Variants in SLX4IP observed in about 807,000 individuals in gnomAD.
SLX4IP encodes SLX4 interacting protein.
SLX4IP carries 34 observed loss-of-function variants against 32.9 expected under a neutral mutation model. The observed-to-expected ratio is 1.03, with a 90% confidence interval of 0.79 to 1.38. SLX4IP has a LOEUF of 1.38. Among genes scored for constraint, SLX4IP ranks in the 40% most tolerant of loss-of-function variants. The probability of loss-of-function intolerance (pLI) is 0.00; values close to 1 mark genes in which losing one functional copy is unlikely to be tolerated. For synonymous variants in SLX4IP, 172 were observed against 171.7 expected (o/e 1.00, Z -0.01); for missense variants, 444 against 479.0 (o/e 0.93, Z 0.68).
At chr20:10,464,125 G>A (rs894584373) in intron 2 of SLX4IP, among the ~76,000 whole-genome samples, 1 of 152,156 alleles carries the variant, frequency 6.6e-6, no homozygotes, top group African/African-American at 2.4e-5. Context: ...GTTGCCCATG[G>A]TGAGTGAGAG....
chr20:10,485,845 A>G (rs1020294757), intron 2 of SLX4IP, among the ~76,000 whole-genome samples: 10 of 152,196 alleles, frequency 6.6e-5, no homozygotes, highest in African/African-American at 2.4e-4. Context: ...GATCATAAGG[A>G]AGAGATAATA....
intron 6 of SLX4IP, among the ~76,000 whole-genome samples, chr20:10,617,632 T>C (rs2067052766): frequency 1.3e-5 from 2 of 150,826 alleles, no homozygotes; most frequent in Non-Finnish European, 2.9e-5. Context: ...TTTCTTTCTT[T>C]CCTTCTTTTT....
At chr20:10,600,575 G>C (rs2066829511) in intron 5 of SLX4IP, among the ~76,000 whole-genome samples, 1 of 152,176 alleles carries the variant, frequency 6.6e-6, no homozygotes. Flanking sequence ...AGCTAGTCTA[G>C]TAGTGTAAGG....
At chr20:10,587,583 A>T (rs2066660458) in intron 4 of SLX4IP, among the ~76,000 whole-genome samples, 1 of 152,152 alleles carries the variant, frequency 6.6e-6, no homozygotes, top group African/African-American at 2.4e-5. Flanking sequence ...ATAAATATAC[A>T]TACAAATTAC....
chr20:10,585,843 G>A (rs1396699453), intron 4 of SLX4IP, among the ~76,000 whole-genome samples: 1 of 151,852 alleles, frequency 6.6e-6, no homozygotes, highest in Non-Finnish European at 1.5e-5. Context: ...CACCTGCCTC[G>A]GCCTCCCAAA....
intron 2 of SLX4IP, among the ~76,000 whole-genome samples, chr20:10,515,797 T>G (rs981468647): frequency 6.6e-6 from 1 of 152,254 alleles, no homozygotes; most frequent in Non-Finnish European, 1.5e-5. Flanking sequence ...TATTTCTTTC[T>G]GAAAGCTGAT....
chr20:10,454,319 G>A lies in SLX4IP; in HGVS notation c.-29-3857G>A, dbSNP rs138737887. ...CCCTATGTCAGTATTTTTAGACAGTGTCTTTTAGGTTAGTCCAATTCTCTG... is the reference window on the plus strand; with the variant it reads ...CCCTATGTCAGTATTTTTAGACAGTATCTTTTAGGTTAGTCCAATTCTCTG... On this transcript the variant is annotated intron_variant, in intron 1 of 7. Coordinates refer to ENST00000334534, the MANE Select transcript of SLX4IP (RefSeq NM_001009608.3). Among the ~76,000 whole-genome samples, 31 of 152,314 alleles carry A rather than the reference G, an allele frequency of 2.0e-4. 1 individual carries two copies. The East Asian group carries it at 5.8e-3, about 28-fold the overall frequency.
intron 2 of SLX4IP, among the ~76,000 whole-genome samples, chr20:10,542,610 C>T (rs1017110149): frequency 3.9e-5 from 6 of 152,156 alleles, no homozygotes; most frequent in African/African-American, 7.2e-5. Context: ...TCACTTTTCC[C>T]GGCCACTGCT....
At chr20:10,588,151 G>A (rs1275133684) in intron 4 of SLX4IP, among the ~76,000 whole-genome samples, 1 of 151,946 alleles carries the variant, frequency 6.6e-6, no homozygotes, top group Non-Finnish European at 1.5e-5. Flanking sequence ...AAAGGAAAAG[G>A]AAGAAAGAAA....
At chr20:10,595,996 G>A (rs562563558) in intron 4 of SLX4IP, among the ~76,000 whole-genome samples, 3 of 152,190 alleles carry the variant, frequency 2.0e-5, no homozygotes, top group South Asian at 4.1e-4. Context: ...GAGGTGTAGG[G>A]GTCAAGGTTT....
intron 6 of SLX4IP, among the ~76,000 whole-genome samples, chr20:10,609,559 C>T (rs2066942019): frequency 6.6e-6 from 1 of 152,186 alleles, no homozygotes; most frequent in South Asian, 2.1e-4. Context: ...ACCCTTTTCC[C>T]ATCAGTGCCC....
chr20:10,559,888 C>T (rs1474034616), intron 3 of SLX4IP, among the ~76,000 whole-genome samples: 1 of 152,132 alleles, frequency 6.6e-6, no homozygotes, highest in African/African-American at 2.4e-5. Flanking sequence ...AAGGCATATA[C>T]AGTATCATCA....
chr20:10,473,915 T>C (rs2065450260), intron 2 of SLX4IP, among the ~76,000 whole-genome samples: 1 of 151,706 alleles, frequency 6.6e-6, no homozygotes, highest in South Asian at 2.1e-4. Context: ...CTCCGCCTCA[T>C]GGGTTCAGGC....
chr20:10,457,793 T>G (rs1359295783), intron 1 of SLX4IP, among the ~76,000 whole-genome samples: 1 of 152,056 alleles, frequency 6.6e-6, no homozygotes, highest in African/African-American at 2.4e-5. Flanking sequence ...TCTGTACACA[T>G]TTGATAGAAT....
chr20:10,528,791 A>T (rs1430147947), intron 2 of SLX4IP, among the ~76,000 whole-genome samples: 1 of 152,220 alleles, frequency 6.6e-6, no homozygotes, highest in Non-Finnish European at 1.5e-5. Flanking sequence ...CCCACTGGTC[A>T]TATTTCCCTG....
At chr20:10,449,290 A>G (rs1291472144) in intron 1 of SLX4IP, among the ~76,000 whole-genome samples, 1 of 152,246 alleles carries the variant, frequency 6.6e-6, no homozygotes, top group Non-Finnish European at 1.5e-5. Flanking sequence ...TATGTAGCAT[A>G]GTGATAAATT....
intron 4 of SLX4IP, among the ~76,000 whole-genome samples, chr20:10,569,893 C>T (rs896013360): frequency 1.3e-5 from 2 of 152,128 alleles, no homozygotes; most frequent in African/African-American, 2.4e-5. Context: ...ATTTAATTAC[C>T]TCCTTAAAGA....
At chr20:10,523,288 T>G (rs2065914465) in intron 2 of SLX4IP, among the ~76,000 whole-genome samples, 1 of 152,158 alleles carries the variant, frequency 6.6e-6, no homozygotes, top group African/African-American at 2.4e-5. Context: ...GAAGTTTATA[T>G]GAAATTTGTT....
chr20:10,594,526 T>C (rs2066747730), intron 4 of SLX4IP, among the ~76,000 whole-genome samples: 1 of 152,218 alleles, frequency 6.6e-6, no homozygotes, highest in South Asian at 2.1e-4. Context: ...TCAAGTCGCC[T>C]TAGCTATGAA....
Sources: allele counts gnomAD v4.1 joint callset (sites outside exome capture counted in the v4.1 genomes callset), GRCh38; gene constraint gnomAD v4.1.1; transcripts MANE v1.5; gene names NCBI Gene and HGNC (gene_info 2026-07-23, HGNC 2026-07-21).